The following MACROH2A2 variants were observed in gnomAD, a reference collection of about 807,000 sequenced individuals.
MACROH2A2 encodes the protein macroH2A.2 histone.
Under a neutral mutation model 37.6 loss-of-function variants are expected in MACROH2A2, and 6 were observed. The observed-to-expected ratio is 0.16, with a 90% CI of 0.09 to 0.32. The LOEUF is 0.32. Among genes scored for constraint, MACROH2A2 ranks in the 10% least tolerant of loss-of-function variants. The pLI, the probability that MACROH2A2 is intolerant of heterozygous loss-of-function variation, is 1.00. For missense variants in MACROH2A2, 290 were observed against 485.9 expected (o/e 0.60, Z 3.79); for synonymous variants, 192 against 202.7 (o/e 0.95, Z 0.45).
chr10:70,104,195 T>C (rs2072323009), intron 7 of MACROH2A2, among the ~76,000 whole-genome samples: 2 of 152,186 alleles, frequency 1.3e-5, no homozygotes, highest in South Asian at 4.1e-4. Flanking sequence ...TAAGATATAC[T>C]CTTATTGTAT....
intron 1 of MACROH2A2, among the ~76,000 whole-genome samples, chr10:70,058,456 C>T (rs1405849161): frequency 6.6e-6 from 1 of 152,186 alleles, no homozygotes. Context: ...AAAGTTACAA[C>T]ACATGATCTG....
Position 70,111,549 on chromosome 10 carries a change from G to A in MACROH2A2, c.985G>A (p.Val329Met). 2 of 1,613,604 alleles carry A rather than the reference G, an allele frequency of 1.2e-6. No individual in the cohort carries two copies. The highest frequency in any genetic ancestry group is 1.7e-6 in the Non-Finnish European group (2 of 1,179,832). Residue 329 changes from valine (V) to methionine (M), a missense_variant, in exon 9 of 9, where the codon GTG becomes ATG. This residue lies in a region of MACROH2A2 where 130 missense variants were observed against 257.1 expected (regional missense o/e 0.51). Coordinates refer to ENST00000373255, the MANE Select transcript of MACROH2A2 (RefSeq NM_018649.3). ...CTTTCCCAAACAGACTGCGGCCCAG[G>A]TGACCCTCAAAGCCATCTCAGCCCA... ...NCFPKQTAAQ[V>M]TLKAISAHFD...
At chr10:70,084,790 C>T (rs1194632767) in intron 2 of MACROH2A2, among the ~76,000 whole-genome samples, 2 of 152,048 alleles carry the variant, frequency 1.3e-5, no homozygotes, top group East Asian at 1.9e-4. Flanking sequence ...TTTGTAAAGA[C>T]GGGGTTTCGC....
intron 1 of MACROH2A2, among the ~76,000 whole-genome samples, chr10:70,065,800 AG>A (rs2072075928): frequency 6.6e-6 from 1 of 152,058 alleles, no homozygotes; most frequent in Admixed American, 6.5e-5. Flanking sequence ...CAGTGGGTTG[AG>A]GGGGGAGGGA....
At position 70,075,751 on chromosome 10, in the gene MACROH2A2, T is replaced by C; in HGVS notation, c.93T>C (p.Tyr31=). The C allele has an allele frequency of 1.2e-6, 2 of 1,614,086 alleles. No homozygotes were observed. The highest frequency in any genetic ancestry group is 1.7e-6 in the Non-Finnish European group (2 of 1,179,964). ...TTCCAGTGGGGAGGCTGATGCGTTA[T>C]CTGAAGAAAGGGACGTTCAAGTACC... The part of the protein sequence containing the change: ...VIFPVGRLMR[Y]LKKGTFKYRI... The change falls in exon 2 of 9, where the codon TAT becomes TAC. Residue 31 remains tyrosine (Y), a synonymous_variant. Transcript: ENST00000373255. The surrounding 1 kb of genome is among the most constrained non-coding windows in gnomAD (Gnocchi z 5.0).
Position 70,108,100 on chromosome 10 carries a change from C to G in MACROH2A2, c.779-933C>G, listed in dbSNP as rs553783716. Among the ~76,000 whole-genome samples, 18 of 152,092 alleles carry G rather than the reference C, an allele frequency of 1.2e-4. No individual in the cohort carries two copies. The South Asian group carries it at 1.7e-3, about 14-fold the overall frequency. On this transcript the variant is annotated intron_variant, in intron 7 of 8. Transcript: ENST00000373255. ...GCACATGCCTGTAATCCCAGCTACTCGAGAGGCTGAGGCACTAGAATCACT... is the reference window on the plus strand; with the variant it reads ...GCACATGCCTGTAATCCCAGCTACTGGAGAGGCTGAGGCACTAGAATCACT...
chr10:70,089,225 G>A (rs1425751204), intron 2 of MACROH2A2, among the ~76,000 whole-genome samples: 1 of 152,220 alleles, frequency 6.6e-6, no homozygotes, highest in Non-Finnish European at 1.5e-5. Context: ...GAGGAATTTA[G>A]GTTCTATAGC....
At chr10:70,061,816 G>T (rs1416706431) in intron 1 of MACROH2A2, among the ~76,000 whole-genome samples, 2 of 152,150 alleles carry the variant, frequency 1.3e-5, no homozygotes, top group Non-Finnish European at 2.9e-5. Context: ...TTTGATCTGC[G>T]TGCCATTTTG....
At position 70,091,792 on chromosome 10, in the gene MACROH2A2, C is replaced by T. The variant is rs909944586; in HGVS notation, c.315C>T (p.Val105=). ...GAGTGACCATCGCCAGTGGAGGCGT[C>T]CTGCCCAGAATTCACCCCGAACTGC... The part of the protein sequence containing the change: ...LKGVTIASGG[V]LPRIHPELLA... Residue 105 remains valine, a synonymous_variant, in exon 4 of 9, where the codon GTC becomes GTT. Coordinates refer to ENST00000373255, the MANE Select transcript of MACROH2A2 (RefSeq NM_018649.3). The T allele has an allele frequency of 2.5e-6, 4 of 1,613,968 alleles. No homozygotes were observed. In the African/African-American group the frequency reaches 5.3e-5, roughly 22 times the overall value.
chr10:70,058,503 C>T (rs1439496741), intron 1 of MACROH2A2, among the ~76,000 whole-genome samples: 2 of 152,220 alleles, frequency 1.3e-5, no homozygotes, highest in Non-Finnish European at 2.9e-5. Flanking sequence ...ATATGAAAGG[C>T]GGTCCTGATG....
At chr10:70,060,936 T>G (rs949065285) in intron 1 of MACROH2A2, among the ~76,000 whole-genome samples, 3 of 151,214 alleles carry the variant, frequency 2.0e-5, no homozygotes, top group Non-Finnish European at 4.4e-5. Flanking sequence ...GTGAGCTGAT[T>G]GGGCCACTGC....
chr10:70,089,866 G>A lies in MACROH2A2; in HGVS notation c.173-194G>A, dbSNP rs1005545158. Among the ~76,000 whole-genome samples, 15 of 152,122 alleles carry A rather than the reference G, an allele frequency of 9.9e-5. No individual in the cohort carries two copies. In the Middle Eastern group the frequency reaches 0.02, roughly 207 times the overall value. ...CTTGAACTCCTGGCTGGGCTCAAGC[G>A]ATCCTCCTGCCTCGGCCTCCTGAGT... On this transcript the variant is annotated intron_variant, in intron 2 of 8. Transcript: ENST00000373255.
At chr10:70,071,338 C>T (rs1291124740) in intron 1 of MACROH2A2, among the ~76,000 whole-genome samples, 1 of 152,124 alleles carries the variant, frequency 6.6e-6, no homozygotes, top group African/African-American at 2.4e-5. Flanking sequence ...CACTAATGCA[C>T]CTTTATGAGC....
Position 70,091,284 on chromosome 10 carries a change from G to A in MACROH2A2, c.280-473G>A, listed in dbSNP as rs560628557. 1.4e-4 allele frequency among the ~76,000 whole-genome samples: 22 copies of A among 152,322 alleles called. No homozygotes were observed. In the South Asian group the frequency reaches 2.1e-3, roughly 14 times the overall value. On this transcript the variant is annotated intron_variant, in intron 3 of 8. Transcript: ENST00000373255. ...ATCACAGGATGCCTTGTTAACCTAC[G>A]GAGAAATGCTCTACAACTGAAAGTG...
At chr10:70,058,889 T>C (rs1235221083) in intron 1 of MACROH2A2, among the ~76,000 whole-genome samples, 2 of 151,894 alleles carry the variant, frequency 1.3e-5, no homozygotes, top group Non-Finnish European at 2.9e-5. Context: ...TTGACTTAAG[T>C]CCCCCGTCCC....
At chr10:70,095,195 C>A (rs1261908225) in intron 5 of MACROH2A2, among the ~76,000 whole-genome samples, 4 of 152,056 alleles carry the variant, frequency 2.6e-5, no homozygotes, top group African/African-American at 9.7e-5. Context: ...GATGAAACTC[C>A]GTCTCTACTA....
Position 70,100,324 on chromosome 10 carries a change from C to T in MACROH2A2, c.778+27C>T, listed in dbSNP as rs114915432. On this transcript the variant is annotated intron_variant, in intron 7 of 8. Transcript: ENST00000373255. ...TAAGTGTGGAACTAGGCTCCTGTCACCAGCATGGCCTCACCCTCCTCTCTG... is the reference window on the plus strand; with the variant it reads ...TAAGTGTGGAACTAGGCTCCTGTCATCAGCATGGCCTCACCCTCCTCTCTG... 1,996 of 1,271,184 alleles carry T rather than the reference C, an allele frequency of 1.6e-3. 20 individuals are homozygous for T. The African/African-American group carries it at 0.026, about 16-fold the overall frequency. The allele number at this position is 1,271,184 out of a possible 1,614,324, so 78.7% of individuals were successfully genotyped here.
rs1380761797 is a variant in MACROH2A2, at chr10:70,079,553, G to GCA, written c.172+3724_172+3725insAC. Among the ~76,000 whole-genome samples, 459 of 105,412 alleles carry GCA rather than the reference G, an allele frequency of 4.4e-3. 5 individuals carry two copies. The highest frequency in any genetic ancestry group is 0.019 in the African/African-American group (433 of 22,952). 69.2% of individuals were successfully genotyped at this position (105,412 alleles called of 152,430 possible). ...CCCTTGAAGGCCACGTTGAGGGTTC[G>GCA]CGCGCGCGCGCGCACACACACACAC... On this transcript the variant is annotated intron_variant, in intron 2 of 8. Transcript: ENST00000373255.
chr10:70,095,561 A>G (rs950548864), intron 5 of MACROH2A2, 93 bp from the exon 6 acceptor site: 58 of 690,648 alleles, frequency 8.4e-5, no homozygotes, highest in Non-Finnish European at 1.4e-4. Flanking sequence ...GGGTATGAAT[A>G]ATTAAAGAGA....
Sources: gnomAD v4.1 joint callset for allele counts (sites outside exome capture counted in the v4.1 genomes callset) on GRCh38, gnomAD v4.1.1 for gene constraint, gnomAD v4.1.1 regional missense constraint, Gnocchi (gnomAD v3.1) non-coding constraint, MANE v1.5 for transcripts, NCBI Gene and HGNC (gene_info 2026-07-23, HGNC 2026-07-21) for gene names.